The following GFM1 variants were observed in gnomAD, a reference collection of about 807,000 sequenced individuals.
The protein encoded by GFM1 is elongation factor G, mitochondrial.
In GFM1, 62 loss-of-function variants were observed where a neutral mutation model predicts 96.2. The ratio of observed to expected loss-of-function variants is 0.64; its 90% CI spans 0.53 to 0.80. The LOEUF is 0.80. GFM1 is among the 30% of genes least tolerant of loss of function. The pLI, the probability that GFM1 is intolerant of heterozygous loss-of-function variation, is 0.00. For missense variants in GFM1, 852 were observed against 916.6 expected, an observed-to-expected ratio of 0.93 and a Z score of 0.91; for synonymous variants, 282 against 312.9, an observed-to-expected ratio of 0.90 and a Z score of 1.04.
chr3:158,677,881 G>A (rs1602760), intron 13 of GFM1, among the ~76,000 whole-genome samples: 87,853 of 152,020 alleles, frequency 0.58, 26,219 homozygotes, highest in African/African-American at 0.73. Context: ...TAGCTGGAGA[G>A]AAGTCAGTGC....
intron 8 of GFM1, 50 bp from the exon 9 acceptor site, chr3:158,658,872 T>C: frequency 6.2e-7 from 1 of 1,601,184 alleles, no homozygotes; most frequent in Non-Finnish European, 8.6e-7. Context: ...ATACTTTGAT[T>C]ATTATGTTTC....
At position 158,669,595 on chromosome 3, in the gene GFM1, A is replaced by G. The variant is rs745836948; in HGVS notation, c.1601+3209A>G. 42 of 1,613,686 alleles carry G rather than the reference A, an allele frequency of 2.6e-5. No homozygotes were observed. The highest frequency in any genetic ancestry group is 3.5e-5 in the Non-Finnish European group (41 of 1,179,862). Reference sequence around the variant, plus strand: ...GAAGGGTAAAGTACTTCAGCTGTGCAGTTCACCTTAACTTGCTGTTTGAAA... The same window carrying G: ...GAAGGGTAAAGTACTTCAGCTGTGCGGTTCACCTTAACTTGCTGTTTGAAA... On this transcript the variant is annotated intron_variant, in intron 13 of 17. Transcript: ENST00000486715.
At chr3:158,684,165 C>T (rs764162619) in intron 14 of GFM1, among the ~76,000 whole-genome samples, 2 of 151,916 alleles carry the variant, frequency 1.3e-5, no homozygotes, top group African/African-American at 2.4e-5. Flanking sequence ...AACATATGGA[C>T]ACATAGAGGG....
intron 14 of GFM1, 141 bp downstream of exon 14, chr3:158,682,298 C>A: frequency 1.4e-6 from 1 of 705,906 alleles, no homozygotes; most frequent in Non-Finnish European, 2.5e-6. Context: ...GTTAAGCTTT[C>A]CATCTGATTT....
chr3:158,688,691 G>A (rs1726067062), intron 15 of GFM1, among the ~76,000 whole-genome samples: 1 of 152,096 alleles, frequency 6.6e-6, no homozygotes, highest in Non-Finnish European at 1.5e-5. Flanking sequence ...CTCTAAAATT[G>A]TTAGTGTGAT....
rs370161147 is a variant in GFM1, at chr3:158,675,310, A to AAAAAAAGG, written c.1602-6685_1602-6684insAAAAAAGG. Among the ~76,000 whole-genome samples, 8 of 114,040 alleles carry AAAAAAAGG rather than the reference A, an allele frequency of 7.0e-5. 1 individual carries two copies. Among genetic ancestry groups the AAAAAAAGG allele is most frequent in the Admixed American group, 2.0e-4 (2 of 9,834 alleles). The allele number at this position is 114,040 out of a possible 152,430, so 74.8% of individuals were successfully genotyped here. On this transcript the variant is annotated intron_variant, in intron 13 of 17. Coordinates refer to ENST00000486715, the MANE Select transcript of GFM1 (RefSeq NM_024996.7). ...CAAAAAAAAAAAAAAAAAAAAAAAA[A>AAAAAAAGG]CAAGTTTTCAAGATAAAAGAGGAGC...
At chr3:158,645,827 A>G in intron 2 of GFM1, 46 bp downstream of exon 2, 4 of 1,490,446 alleles carry the variant, frequency 2.7e-6, no homozygotes, top group Non-Finnish European at 3.7e-6. Flanking sequence ...CCAGATTTTA[A>G]TTGTTTTGTT....
chr3:158,687,363 A>G lies in GFM1; in HGVS notation c.1909+2695A>G, dbSNP rs1397605049. ...CTATGCACACAAGCAGGATGCTAGC[A>G]TGAGAAATAAGTTACATTGCTGTTT... On this transcript the variant is annotated intron_variant, in intron 15 of 17. Coordinates refer to ENST00000486715, the MANE Select transcript of GFM1 (RefSeq NM_024996.7). Among the ~76,000 whole-genome samples, 5 of 152,136 alleles carry G rather than the reference A, an allele frequency of 3.3e-5. No homozygotes were observed. The East Asian group carries it at 9.6e-4, about 29-fold the overall frequency.
chr3:158,684,568 G>T lies in GFM1; in HGVS notation c.1809G>T (p.Lys603Asn), dbSNP rs371730279. ...AGAAGGGCCCTCTTTCTGGTCACAA[G>T]CTCTCTGGGCTCCGGTTTGTCCTGC... ...ACEKGPLSGHKLSGLRFVLQD... is the reference protein window; with the variant it reads ...ACEKGPLSGHNLSGLRFVLQD... The change falls in exon 15 of 18, where the codon AAG (lysine) becomes AAT (asparagine). Residue 603 changes from lysine to asparagine, a missense_variant. Lys to Asn is a moderately conservative substitution (Grantham distance 94, BLOSUM62 0). Transcript: ENST00000486715. The T allele has an allele frequency of 6.2e-6, 10 of 1,614,078 alleles. No individual in the cohort carries two copies. The African/African-American group carries it at 1.3e-4, about 22-fold the overall frequency.
chr3:158,647,095 G>C, intron 4 of GFM1, 148 bp downstream of exon 4: 1 of 684,968 alleles, frequency 1.5e-6, no homozygotes, highest in Non-Finnish European at 2.5e-6. Context: ...GTGGAACACT[G>C]ATTTTAGTAA....
chr3:158,645,017 A>G (rs1721644295), intron 1 of GFM1: 1 of 379,130 alleles, frequency 2.6e-6, no homozygotes, highest in Non-Finnish European at 4.8e-6. Flanking sequence ...TTTCCCGTGA[A>G]TAATTGTGCA....
intron 15 of GFM1, among the ~76,000 whole-genome samples, chr3:158,687,176 A>G (rs1376668553): frequency 4.0e-5 from 6 of 151,234 alleles, no homozygotes; most frequent in African/African-American, 1.2e-4. Context: ...CTAATTTTTT[A>G]TTATTATTAT....
chr3:158,650,117 T>C, intron 5 of GFM1: 3 of 1,396,018 alleles, frequency 2.1e-6, no homozygotes, highest in Non-Finnish European at 9.8e-7. Flanking sequence ...ATCAGCCATC[T>C]TGTAAGCAGG....
chr3:158,679,503 T>A (rs1725186893), intron 13 of GFM1, among the ~76,000 whole-genome samples: 4 of 152,240 alleles, frequency 2.6e-5, no homozygotes, highest in African/African-American at 9.6e-5. Context: ...TTTAAAAAAA[T>A]TAATAGCAAT....
chr3:158,665,646 A>G lies in GFM1; in HGVS notation c.1518+172A>G, dbSNP rs1723606146. ...CTCTACTATGTGTTACAAAATAATT[A>G]TTTTCGATCTCTAAATCTTTTTATT... On this transcript the variant is annotated intron_variant, in intron 12 of 17. Transcript: ENST00000486715. 2.0e-5 allele frequency among the ~76,000 whole-genome samples: 3 copies of G among 152,128 alleles called. No individual in the cohort carries two copies. In the South Asian group the frequency reaches 6.2e-4, roughly 32 times the overall value.
intron 9 of GFM1, 96 bp downstream of exon 9, chr3:158,659,155 G>T (rs988654541): frequency 2.2e-6 from 3 of 1,346,488 alleles, no homozygotes; most frequent in Non-Finnish European, 3.2e-6. Flanking sequence ...ATTAATTCTG[G>T]TTAAATATAT....
chr3:158,664,945 C>T (rs895400055), intron 11 of GFM1, among the ~76,000 whole-genome samples: 33 of 152,176 alleles, frequency 2.2e-4, no homozygotes, highest in African/African-American at 7.7e-4. Context: ...CTTGGATCTA[C>T]AGTAGTGTCT....
chr3:158,649,261 C>T (rs546373521), intron 5 of GFM1, 104 bp downstream of exon 5: 28 of 653,544 alleles, frequency 4.3e-5, no homozygotes, highest in Admixed American at 2.0e-4. Flanking sequence ...TTTTGAAATG[C>T]GACTGCAAGA....
At chr3:158,680,452 T>C (rs183105200) in intron 13 of GFM1, among the ~76,000 whole-genome samples, 276 of 152,370 alleles carry the variant, frequency 1.8e-3, no homozygotes, top group Non-Finnish European at 3.1e-3. Context: ...CTGTTCTTTT[T>C]CTAAACCACT....
Sources: allele counts gnomAD v4.1 joint callset (sites outside exome capture counted in the v4.1 genomes callset), GRCh38; gene constraint gnomAD v4.1.1; transcripts MANE v1.5; gene names NCBI Gene and HGNC (gene_info 2026-07-23, HGNC 2026-07-21).